Variants in DTHD1 observed in about 807,000 individuals in gnomAD.
The protein encoded by DTHD1 is death domain containing 1, also known as death domain-containing protein 1.
In DTHD1, 59 loss-of-function variants were observed where a neutral mutation model predicts 74.8. That is an observed-to-expected ratio of 0.79 (90% confidence interval 0.64 to 0.98). The LOEUF (loss-of-function observed/expected upper bound fraction) is 0.98. DTHD1 is among the 50% of genes least tolerant of loss of function. The pLI is 0.00. For missense variants in DTHD1, 1,051 were observed against 1,065.4 expected, an observed-to-expected ratio of 0.99 and a Z score of 0.19; for synonymous variants, 365 against 371.1, an observed-to-expected ratio of 0.98 and a Z score of 0.19.
chr4:36,307,315 A>G (rs1004201447), intron 6 of DTHD1, among the ~76,000 whole-genome samples: 2 of 152,192 alleles, frequency 1.3e-5, no homozygotes, highest in Non-Finnish European at 1.5e-5. Flanking sequence ...TGTTCCTTCC[A>G]AGGGCTGTGA....
intron 9 of DTHD1, among the ~76,000 whole-genome samples, chr4:36,341,622 T>C (rs750672410): frequency 1.3e-5 from 2 of 152,250 alleles, no homozygotes; most frequent in Admixed American, 6.5e-5. Flanking sequence ...ATTTACAGTT[T>C]GTTGATCACA....
intron 8 of DTHD1, chr4:36,332,901 C>T (rs1265888539): frequency 6.6e-6 from 1 of 152,146 alleles, no homozygotes; most frequent in East Asian, 1.9e-4. Flanking sequence ...AGGCTCAATT[C>T]TGAGAGTTCC....
At chr4:36,331,103 G>A (rs1319106913) in intron 8 of DTHD1, among the ~76,000 whole-genome samples, 1 of 152,094 alleles carries the variant, frequency 6.6e-6, no homozygotes, top group Non-Finnish European at 1.5e-5. Context: ...TGATGTCTGT[G>A]TAGGATTTTT....
At chr4:36,289,431 A>G (rs184161102) in intron 2 of DTHD1, among the ~76,000 whole-genome samples, 1 of 152,302 alleles carries the variant, frequency 6.6e-6, no homozygotes, top group African/African-American at 2.4e-5. Context: ...ATATTATATT[A>G]AAGAGTTTGG....
chr4:36,304,519 G>T (rs1756939911), intron 5 of DTHD1, among the ~76,000 whole-genome samples: 1 of 152,128 alleles, frequency 6.6e-6, no homozygotes, highest in African/African-American at 2.4e-5. Context: ...AAGTAAGTTG[G>T]TTTTTAACTT....
At chr4:36,285,834 C>G (rs1243646156) in intron 2 of DTHD1, among the ~76,000 whole-genome samples, 2 of 152,138 alleles carry the variant, frequency 1.3e-5, no homozygotes, top group African/African-American at 4.8e-5. Flanking sequence ...AACGACCTAA[C>G]ACCAGGCCAC....
At position 36,343,239 on chromosome 4, in the gene DTHD1, C is replaced by T. The variant is rs186445000; in HGVS notation, c.2399-263C>T. The stretch of plus-strand genomic sequence containing the variant: ...GAGCAGAGCGTAAAAACCATTTTAA[C>T]ATGCCCTCTTGGTTCTCAGGTACAT... On this transcript the variant is annotated intron_variant, in intron 9 of 9. Transcript: ENST00000639862. 1.9e-4 allele frequency among the ~76,000 whole-genome samples: 29 copies of T among 152,314 alleles called. 1 individual carries two copies. The highest frequency in any genetic ancestry group is 1.6e-3 in the Admixed American group (25 of 15,304).
intron 9 of DTHD1, among the ~76,000 whole-genome samples, chr4:36,339,431 A>G (rs924633249): frequency 6.6e-6 from 1 of 152,200 alleles, no homozygotes; most frequent in Non-Finnish European, 1.5e-5. Flanking sequence ...TTTTATTTGT[A>G]TGGCTAGCAA....
At chr4:36,298,111 T>C (rs1356695908) in intron 5 of DTHD1, among the ~76,000 whole-genome samples, 1 of 152,134 alleles carries the variant, frequency 6.6e-6, no homozygotes, top group Non-Finnish European at 1.5e-5. Flanking sequence ...TTAACTGATA[T>C]ACTCTTGCCC....
At chr4:36,286,734 C>T (rs935735815) in intron 2 of DTHD1, among the ~76,000 whole-genome samples, 10 of 152,174 alleles carry the variant, frequency 6.6e-5, no homozygotes, top group Admixed American at 3.9e-4. Context: ...CATGGTATAG[C>T]ATATTGCTCC....
At chr4:36,335,264 T>C (rs988314035) in intron 8 of DTHD1, among the ~76,000 whole-genome samples, 4 of 152,060 alleles carry the variant, frequency 2.6e-5, no homozygotes, top group Non-Finnish European at 5.9e-5. Flanking sequence ...CATTCTGTCA[T>C]GAAGGCTGGA....
At chr4:36,314,511 C>CAAAA (rs35806275) in intron 7 of DTHD1, among the ~76,000 whole-genome samples, 1 of 74,498 alleles carries the variant, frequency 1.3e-5, no homozygotes, top group African/African-American at 6.9e-5. Flanking sequence ...CCCGTCTCTA[C>CAAAA]AAAAAAAAAA....
intron 9 of DTHD1, among the ~76,000 whole-genome samples, chr4:36,341,868 A>G (rs1485325085): frequency 6.6e-6 from 1 of 152,200 alleles, no homozygotes; most frequent in Non-Finnish European, 1.5e-5. Context: ...GGATCACTAT[A>G]GTAGTGATGG....
intron 5 of DTHD1, among the ~76,000 whole-genome samples, chr4:36,301,761 A>C (rs1213155081): frequency 6.6e-6 from 1 of 151,726 alleles, no homozygotes; most frequent in Non-Finnish European, 1.5e-5. Flanking sequence ...GAGTGAACAG[A>C]ACCTTCTAAG....
chr4:36,295,725 A>C (rs1199386369), intron 5 of DTHD1, among the ~76,000 whole-genome samples: 37 of 152,146 alleles, frequency 2.4e-4, no homozygotes, highest in Non-Finnish European at 2.9e-5. Context: ...GCCAGTAAAC[A>C]TAATTGCCAA....
chr4:36,300,137 T>G lies in DTHD1; in HGVS notation c.1643+5098T>G, dbSNP rs539774685. On this transcript the variant is annotated intron_variant, in intron 5 of 9. Transcript: ENST00000639862. ...TCTGAAGTCTTTGGGCGTGTTTATATCTGTCATCCATGGTATTTAGCTTCT... is the reference window on the plus strand; with the variant it reads ...TCTGAAGTCTTTGGGCGTGTTTATAGCTGTCATCCATGGTATTTAGCTTCT... Among the ~76,000 whole-genome samples, 3 of 152,356 alleles carry G rather than the reference T, an allele frequency of 2.0e-5. No individual in the cohort carries two copies. The South Asian group carries it at 6.2e-4, about 32-fold the overall frequency.
chr4:36,290,719 G>A lies in DTHD1; in HGVS notation c.1218+16G>A. 2 of 1,518,032 alleles carry A rather than the reference G, an allele frequency of 1.3e-6. No individual in the cohort carries two copies. Among genetic ancestry groups the A allele is most frequent in the South Asian group, 1.2e-5 (1 of 81,494 alleles). 94.0% of individuals were successfully genotyped at this position (1,518,032 alleles called of 1,614,324 possible). Reference sequence around the variant, plus strand: ...AGGTTATAAGGTTAGTAAATTCTTGGCTATATCTACATTTGCTGTTTGGCT... The same window carrying A: ...AGGTTATAAGGTTAGTAAATTCTTGACTATATCTACATTTGCTGTTTGGCT... On this transcript the variant is annotated intron_variant, in intron 3 of 9. Transcript: ENST00000639862.
intron 2 of DTHD1, among the ~76,000 whole-genome samples, chr4:36,288,387 T>C (rs914617027): frequency 6.6e-6 from 1 of 152,224 alleles, no homozygotes; most frequent in Non-Finnish European, 1.5e-5. Flanking sequence ...CGTGAGCCAC[T>C]GTGCTGGGTC....
rs1560782478 is a variant in DTHD1, at chr4:36,284,300, G to T, written c.596G>T (p.Gly199Val). The change falls in exon 2 of 10, where the codon GGA (glycine) becomes GTA (valine). Residue 199 changes from glycine (G) to valine (V), a missense_variant. Coordinates refer to ENST00000639862, the MANE Select transcript of DTHD1 (RefSeq NM_001170700.3). ...VEKENNTSLN[G>V]RVLGQEESQN... ...AAAGAAAACAATACATCACTGAATG[G>T]ACGTGTACTGGGGCAAGAAGAGTCA... is the stretch of plus-strand genomic sequence containing the variant. 4 of 1,537,186 alleles carry T rather than the reference G, an allele frequency of 2.6e-6. No individual in the cohort carries two copies. The highest frequency in any genetic ancestry group is 3.5e-6 in the Non-Finnish European group (4 of 1,146,870).
Sources: allele counts gnomAD v4.1 joint callset (sites outside exome capture counted in the v4.1 genomes callset), GRCh38; gene constraint gnomAD v4.1.1; transcripts MANE v1.5; gene names NCBI Gene and HGNC (gene_info 2026-07-23, HGNC 2026-07-21).